VRK2: variants seen among roughly 807,000 people sequenced by gnomAD.
VRK2 encodes the protein serine/threonine-protein kinase VRK2.
In VRK2, 60 loss-of-function variants were observed where a neutral mutation model predicts 57.6. The observed-to-expected ratio is 1.04, with a 90% confidence interval of 0.85 to 1.29. The LOEUF (loss-of-function observed/expected upper bound fraction) is 1.29, where lower values mean the gene tolerates loss of function less well. VRK2 is among the 50% of genes most tolerant of loss of function. The pLI is 0.00. For missense variants in VRK2, 705 were observed against 588.1 expected, an observed-to-expected ratio of 1.20 and a Z score of -2.06; for synonymous variants, 231 against 199.2, an observed-to-expected ratio of 1.16 and a Z score of -1.35.
intron 1 of VRK2, 89 bp downstream of exon 1, chr2:58,046,957 G>A (rs1241104179): frequency 5.1e-6 from 5 of 985,502 alleles, no homozygotes; most frequent in Non-Finnish European, 6.0e-6. Context: ...AAGGGCTGCC[G>A]TCGGAGTTAG....
chr2:58,049,153 GT>G (rs1251792667), intron 2 of VRK2, among the ~76,000 whole-genome samples, 186 bp downstream of exon 2: 10 of 152,116 alleles, frequency 6.6e-5, no homozygotes, highest in Non-Finnish European at 1.0e-4. Flanking sequence ...CCCACTCCTT[GT>G]TGTCCATGTT....
intron 3 of VRK2, chr2:58,040,947 TCTC>T: frequency 2.6e-6 from 2 of 783,088 alleles, no homozygotes; most frequent in Non-Finnish European, 3.1e-6. Flanking sequence ...ATTTCTTACT[TCTC>T]CTCTGAAGGT....
chr2:58,079,119 A>G (rs1572981570), intron 2 of VRK2, among the ~76,000 whole-genome samples: 1 of 152,144 alleles, frequency 6.6e-6, no homozygotes, highest in South Asian at 2.1e-4. Context: ...ATGTCCTTCA[A>G]TTTGGGTTTG....
Position 58,159,369 on chromosome 2 carries a change from G to A in VRK2, c.1203G>A (p.Gln401=). The A allele has an allele frequency of 1.2e-6, 2 of 1,608,204 alleles. No individual in the cohort carries two copies. Among genetic ancestry groups the A allele is most frequent in the African/African-American group, 1.3e-5 (1 of 74,456 alleles). Reference sequence around the variant, plus strand: ...CATAGGAAAGCACAAGGAGAAGACAGAAATATCAAGAGTCTCAAGAACCTT... The same window carrying A: ...CATAGGAAAGCACAAGGAGAAGACAAAAATATCAAGAGTCTCAAGAACCTT... The part of the protein sequence containing the change: ...EAAQESTRRR[Q]KYQESQEPLN... Residue 401 remains glutamine (Q), a synonymous_variant, in exon 13 of 13, where the codon CAG becomes CAA. Coordinates refer to ENST00000340157, the MANE Select transcript of VRK2 (RefSeq NM_006296.7).
chr2:58,043,262 T>C (rs908220539), upstream of VRK2, among the ~76,000 whole-genome samples: 1 of 152,174 alleles, frequency 6.6e-6, no homozygotes, highest in Admixed American at 6.5e-5. Context: ...AGTAGTTCAA[T>C]AATGGCCTCA....
intron 1 of VRK2, among the ~76,000 whole-genome samples, chr2:57,978,357 A>C (rs901720248): frequency 2.6e-5 from 4 of 151,108 alleles, no homozygotes; most frequent in African/African-American, 9.9e-5. Context: ...GTGGGACATA[A>C]TGCTTTACTT....
intron 1 of VRK2, among the ~76,000 whole-genome samples, chr2:57,972,027 G>A (rs1672112186): frequency 6.6e-6 from 1 of 151,732 alleles, no homozygotes; most frequent in Non-Finnish European, 1.5e-5. Context: ...TGGCTCTGGG[G>A]ACCTGTTGAC....
At chr2:57,996,882 C>T (rs1672940592) in intron 1 of VRK2, among the ~76,000 whole-genome samples, 1 of 149,962 alleles carries the variant, frequency 6.7e-6, no homozygotes, top group Non-Finnish European at 1.5e-5. Context: ...AGTTGTTGCA[C>T]CATATTGTTT....
At chr2:58,142,501 CT>C (rs1681497527) in intron 11 of VRK2, among the ~76,000 whole-genome samples, 1 of 151,270 alleles carries the variant, frequency 6.6e-6, no homozygotes, top group Non-Finnish European at 1.5e-5. Context: ...GGGTATTTGC[CT>C]GAATCAAAAT....
chr2:58,041,002 A>G (rs762967462), intron 3 of VRK2: 45 of 981,902 alleles, frequency 4.6e-5, no homozygotes, highest in Non-Finnish European at 4.1e-5. Flanking sequence ...CTGCTTAAAA[A>G]TCATTCGGCC....
intron 1 of VRK2, among the ~76,000 whole-genome samples, chr2:57,911,752 G>A (rs763900875): frequency 1.3e-5 from 2 of 152,064 alleles, no homozygotes; most frequent in African/African-American, 2.4e-5. Context: ...TTTAATTACC[G>A]ACAAATGGAC....
At chr2:58,091,903 A>G (rs960753089) in intron 7 of VRK2, among the ~76,000 whole-genome samples, 4 of 152,180 alleles carry the variant, frequency 2.6e-5, no homozygotes, top group Non-Finnish European at 5.9e-5. Context: ...ATAGTCTGAT[A>G]ATATTGAGGC....
At chr2:58,060,829 T>G (rs944878644) in intron 2 of VRK2, among the ~76,000 whole-genome samples, 10 of 151,884 alleles carry the variant, frequency 6.6e-5, no homozygotes, top group African/African-American at 2.4e-4. Context: ...CAGCTCTCAC[T>G]TCATACACTT....
intron 8 of VRK2, among the ~76,000 whole-genome samples, chr2:58,126,342 A>G (rs1678345392): frequency 6.6e-6 from 1 of 152,138 alleles, no homozygotes; most frequent in African/African-American, 2.4e-5. Context: ...TACTTTTTGT[A>G]GCAGGTTATT....
At chr2:57,955,855 T>C (rs1020620960) in intron 1 of VRK2, among the ~76,000 whole-genome samples, 4 of 152,114 alleles carry the variant, frequency 2.6e-5, no homozygotes, top group Non-Finnish European at 4.4e-5. Context: ...AGTAAAAATT[T>C]TATTTTGGGT....
intron 7 of VRK2, among the ~76,000 whole-genome samples, chr2:58,114,187 G>C (rs1369360250): frequency 6.6e-6 from 1 of 152,150 alleles, no homozygotes; most frequent in Non-Finnish European, 1.5e-5. Context: ...TCTAAGAATT[G>C]GGAGAGCTAG....
chr2:57,952,826 C>T (rs886683370), intron 1 of VRK2, among the ~76,000 whole-genome samples: 3 of 151,804 alleles, frequency 2.0e-5, no homozygotes, highest in Non-Finnish European at 4.4e-5. Context: ...TGGGTGAAAG[C>T]CAGGGCCATC....
intron 2 of VRK2, among the ~76,000 whole-genome samples, chr2:58,075,519 C>T (rs534214656): frequency 6.6e-6 from 1 of 152,236 alleles, no homozygotes; most frequent in Admixed American, 6.5e-5. Flanking sequence ...TATAAATGTT[C>T]CCTTATCTCT....
chr2:58,088,677 ATCT>A (rs1419743141), intron 6 of VRK2, among the ~76,000 whole-genome samples: 2 of 152,176 alleles, frequency 1.3e-5, no homozygotes, highest in African/African-American at 4.8e-5. Context: ...CTCCAGTCTG[ATCT>A]TCTTTTTCCT....
Sources: allele counts gnomAD v4.1 joint callset (sites outside exome capture counted in the v4.1 genomes callset), GRCh38; gene constraint gnomAD v4.1.1; transcripts MANE v1.5; gene names NCBI Gene and HGNC (gene_info 2026-07-23, HGNC 2026-07-21).